RABGAP1L: variants seen among roughly 807,000 people sequenced by gnomAD.
The protein encoded by RABGAP1L is rab GTPase-activating protein 1-like.
Under a neutral mutation model 137.7 loss-of-function variants are expected in RABGAP1L, and 63 were observed. The ratio of observed to expected loss-of-function variants is 0.46; its 90% confidence interval spans 0.37 to 0.56. The LOEUF (loss-of-function observed/expected upper bound fraction) is 0.56, where lower values mean the gene tolerates loss of function less well. Ranked by LOEUF, RABGAP1L falls within the 20% of genes least tolerant of loss-of-function variation. The pLI is 0.00. For synonymous variants in RABGAP1L, 431 were observed against 433.7 expected (o/e 0.99, Z 0.08); for missense variants, 1,095 against 1,244.0 (o/e 0.88, Z 1.80).
chr1:174,400,282 A>T (rs1200233798), intron 13 of RABGAP1L, among the ~76,000 whole-genome samples: 1 of 152,164 alleles, frequency 6.6e-6, no homozygotes, highest in Non-Finnish European at 1.5e-5. Flanking sequence ...TGACTCCATT[A>T]TAATACTATG....
chr1:174,491,997 C>T (rs2149355029), intron 13 of RABGAP1L, among the ~76,000 whole-genome samples: 1 of 152,202 alleles, frequency 6.6e-6, no homozygotes, highest in South Asian at 2.1e-4. Flanking sequence ...TTTTCCTGCC[C>T]TATTCAATGC....
intron 13 of RABGAP1L, among the ~76,000 whole-genome samples, chr1:174,487,266 C>G (rs921076722): frequency 1.3e-5 from 2 of 152,084 alleles, no homozygotes; most frequent in East Asian, 1.9e-4. Flanking sequence ...TAGAGCTACT[C>G]TTTAGCTCTA....
chr1:174,411,567 T>A (rs1649932699), intron 13 of RABGAP1L, among the ~76,000 whole-genome samples: 1 of 151,980 alleles, frequency 6.6e-6, no homozygotes, highest in African/African-American at 2.4e-5. Context: ...CACTGTTGAG[T>A]TTGGTTTGTT....
intron 17 of RABGAP1L, among the ~76,000 whole-genome samples, chr1:174,744,090 TAAAAAAA>T (rs10694829): frequency 4.4e-5 from 2 of 45,128 alleles, no homozygotes; most frequent in Non-Finnish European, 7.7e-5. Flanking sequence ...GTGAAATACG[TAAAAAAA>T]AAAAAAAAAA....
At chr1:174,879,387 G>A (rs1653772130) in intron 19 of RABGAP1L, among the ~76,000 whole-genome samples, 1 of 142,580 alleles carries the variant, frequency 7.0e-6, no homozygotes, top group Admixed American at 7.0e-5. Flanking sequence ...CGTGAGTCAC[G>A]GTGCACAGCC....
intron 17 of RABGAP1L, among the ~76,000 whole-genome samples, chr1:174,718,837 CTTTTTTT>C (rs11337437): frequency 1.9e-5 from 2 of 106,422 alleles, no homozygotes; most frequent in African/African-American, 6.1e-5. Flanking sequence ...TTTTCTTTTC[CTTTTTTT>C]TTTTTTTTTT....
At chr1:174,383,576 C>T (rs1054810560) in intron 12 of RABGAP1L, among the ~76,000 whole-genome samples, 1 of 152,212 alleles carries the variant, frequency 6.6e-6, no homozygotes, top group African/African-American at 2.4e-5. Context: ...TCACCGCTTT[C>T]TTTGACTGGG....
rs975702164 is a variant in RABGAP1L at position 174,219,170 on chromosome 1, G to A, written c.13G>A (p.Ala5Thr). The A allele has an allele frequency of 3.1e-6, 5 of 1,599,858 alleles. No individual in the cohort carries two copies. Among genetic ancestry groups the A allele is most frequent in the Non-Finnish European group, 4.3e-6 (5 of 1,174,006 alleles). Residue 5 changes from alanine to threonine, a missense_variant, in exon 2 of 26, where the codon GCT becomes ACT. By Grantham distance (58) the Ala-to-Thr change is moderately conservative (BLOSUM62 0). This residue lies in a region of RABGAP1L where 356 missense variants were observed against 326.3 expected (regional missense o/e 1.09). Coordinates refer to ENST00000681986, the MANE Select transcript of RABGAP1L (RefSeq NM_001366446.1). The stretch of plus-strand genomic sequence containing the variant: ...TTGCAGAACTGAAATGGAGGTCAGA[G>A]CTTCATTACAGAAGGTTAGTGGATC... MEVR[A>T]SLQKVSGSSD...
intron 17 of RABGAP1L, among the ~76,000 whole-genome samples, chr1:174,728,549 AAGTAACCTAC>A (rs1682189208): frequency 6.6e-6 from 1 of 152,076 alleles, no homozygotes; most frequent in Admixed American, 6.6e-5. Context: ...ATACTGTGCA[AAGTAACCTAC>A]AGATACAATG....
At chr1:174,526,663 G>T (rs1663900202) in intron 13 of RABGAP1L, among the ~76,000 whole-genome samples, 1 of 151,936 alleles carries the variant, frequency 6.6e-6, no homozygotes, top group African/African-American at 2.4e-5. Context: ...TTGTAGTTTT[G>T]TGGTATCAAT....
chr1:174,711,767 G>A (rs1207461409), intron 17 of RABGAP1L, among the ~76,000 whole-genome samples: 3 of 152,334 alleles, frequency 2.0e-5, no homozygotes, highest in Non-Finnish European at 2.9e-5. Context: ...CACACCAACC[G>A]CCCAAGGGCT....
At chr1:174,980,428 A>T (rs1670995524) in intron 23 of RABGAP1L, among the ~76,000 whole-genome samples, 1 of 152,220 alleles carries the variant, frequency 6.6e-6, no homozygotes, top group Non-Finnish European at 1.5e-5. Context: ...CCTACGTAGA[A>T]ATAAGAGGAA....
chr1:174,379,055 A>G (rs1454205210), intron 12 of RABGAP1L, among the ~76,000 whole-genome samples: 1 of 141,306 alleles, frequency 7.1e-6, no homozygotes, highest in Non-Finnish European at 1.5e-5. Flanking sequence ...CCCTTTCCCC[A>G]TTGCTTGTTT....
chr1:174,799,815 T>G, intron 18 of RABGAP1L: 1 of 998,200 alleles, frequency 1.0e-6, no homozygotes, highest in Non-Finnish European at 1.2e-6. Flanking sequence ...TTGTCACGAA[T>G]CGAGGATTGC....
chr1:174,614,749 C>G (rs570298273), intron 13 of RABGAP1L, among the ~76,000 whole-genome samples: 26 of 152,216 alleles, frequency 1.7e-4, no homozygotes, highest in African/African-American at 5.3e-4. Context: ...TCACATAGTC[C>G]CATATTTCTT....
At chr1:174,615,644 T>G (rs1220141261) in intron 13 of RABGAP1L, among the ~76,000 whole-genome samples, 1 of 152,232 alleles carries the variant, frequency 6.6e-6, no homozygotes, top group Admixed American at 6.5e-5. Flanking sequence ...TGGAGGTTAC[T>G]GCTGTCTTGT....
chr1:174,416,894 T>TA (rs1030479938), intron 13 of RABGAP1L, among the ~76,000 whole-genome samples: 4 of 152,202 alleles, frequency 2.6e-5, no homozygotes, highest in African/African-American at 9.6e-5. Flanking sequence ...AGGTGTTTCT[T>TA]AATTTACCAA....
At chr1:174,408,195 A>G (rs1044947671) in intron 13 of RABGAP1L, among the ~76,000 whole-genome samples, 1 of 152,094 alleles carries the variant, frequency 6.6e-6, no homozygotes, top group African/African-American at 2.4e-5. Flanking sequence ...GTACCCCAGT[A>G]CTTAGTTTTT....
At chr1:174,205,011 A>G (rs954815087) in intron 1 of RABGAP1L, among the ~76,000 whole-genome samples, 4 of 152,292 alleles carry the variant, frequency 2.6e-5, no homozygotes, top group East Asian at 1.9e-4. Flanking sequence ...CTTTATAGCA[A>G]TGTGAGAATG....
Sources: allele counts gnomAD v4.1 joint callset (sites outside exome capture counted in the v4.1 genomes callset), GRCh38; gene constraint gnomAD v4.1.1; regional missense constraint gnomAD v4.1.1; transcripts MANE v1.5; gene names NCBI Gene and HGNC (gene_info 2026-07-23, HGNC 2026-07-21).